ADARB2: variants seen among roughly 807,000 people sequenced by gnomAD.
ADARB2 encodes inactive double-stranded RNA-specific editase B2.
Under a neutral mutation model 62.2 loss-of-function variants are expected in ADARB2, and 25 were observed. That is an observed-to-expected ratio of 0.40 (90% CI 0.29 to 0.56). The LOEUF (loss-of-function observed/expected upper bound fraction) is 0.56. Ranked by LOEUF, ADARB2 falls within the 20% of genes least tolerant of loss-of-function variation. The pLI is 0.43. For synonymous variants in ADARB2, 572 were observed against 500.8 expected (o/e 1.14, Z -1.90); for missense variants, 1,071 against 1,077.4 (o/e 0.99, Z 0.08).
chr10:1,605,734 A>G (rs1309167067), intron 1 of ADARB2, among the ~76,000 whole-genome samples: 1 of 152,216 alleles, frequency 6.6e-6, no homozygotes, highest in Non-Finnish European at 1.5e-5. Flanking sequence ...AAAAGAAATG[A>G]AATTTCTGCT....
chr10:1,185,624 G>C (rs1298262326), intron 8 of ADARB2, among the ~76,000 whole-genome samples: 1 of 152,220 alleles, frequency 6.6e-6, no homozygotes, highest in Non-Finnish European at 1.5e-5. Flanking sequence ...GAAATATGGG[G>C]CCTTTTGTTC....
intron 4 of ADARB2, among the ~76,000 whole-genome samples, chr10:1,264,841 A>C (rs1831179157): frequency 6.6e-6 from 1 of 152,222 alleles, no homozygotes; most frequent in African/African-American, 2.4e-5. Flanking sequence ...GTTGTAAGTC[A>C]GTCCAAGAAA....
chr10:1,450,237 A>G (rs760403615), intron 1 of ADARB2, among the ~76,000 whole-genome samples: 1 of 152,232 alleles, frequency 6.6e-6, no homozygotes, highest in Non-Finnish European at 1.5e-5. Context: ...CCCTCTGAAA[A>G]TGAGGACAAC....
At chr10:1,510,699 G>C (rs573125817) in intron 1 of ADARB2, among the ~76,000 whole-genome samples, 1 of 152,066 alleles carries the variant, frequency 6.6e-6, no homozygotes, top group Non-Finnish European at 1.5e-5. Flanking sequence ...TGTAATTATC[G>C]TAATTACTGT....
intron 1 of ADARB2, among the ~76,000 whole-genome samples, chr10:1,718,449 C>T (rs1235656761): frequency 6.6e-6 from 1 of 152,158 alleles, no homozygotes; most frequent in Admixed American, 6.5e-5. Context: ...ACATGCTAGC[C>T]CCCAGGGCTG....
chr10:1,695,289 G>A (rs1403200801), intron 1 of ADARB2, among the ~76,000 whole-genome samples: 1 of 152,110 alleles, frequency 6.6e-6, no homozygotes, highest in Non-Finnish European at 1.5e-5. Context: ...CGTGTACTTT[G>A]AGAACCCCCT....
At chr10:1,373,839 G>A (rs1181299546) in intron 2 of ADARB2, among the ~76,000 whole-genome samples, 1 of 150,206 alleles carries the variant, frequency 6.7e-6, no homozygotes, top group Non-Finnish European at 1.5e-5. Context: ...ACCCTTCCTA[G>A]TGAAACCGCG....
chr10:1,329,959 TA>T (rs1479241210), intron 3 of ADARB2, among the ~76,000 whole-genome samples: 1 of 134,482 alleles, frequency 7.4e-6, no homozygotes, highest in Non-Finnish European at 1.6e-5. Flanking sequence ...TTTTTTCTCT[TA>T]AACACATTTA....
intron 5 of ADARB2, among the ~76,000 whole-genome samples, chr10:1,239,070 C>T (rs1392953974): frequency 8.1e-4 from 4 of 4,938 alleles, no homozygotes; most frequent in East Asian, 0.026. Context: ...CTCCCCTCTG[C>T]CTCCCGGTGT....
At chr10:1,528,965 C>A (rs1157091351) in intron 1 of ADARB2, among the ~76,000 whole-genome samples, 1 of 152,196 alleles carries the variant, frequency 6.6e-6, no homozygotes, top group East Asian at 1.9e-4. Context: ...TCTTTCCCCA[C>A]AATGTAGCTT....
At chr10:1,581,268 C>T (rs750770002) in intron 1 of ADARB2, among the ~76,000 whole-genome samples, 5 of 152,268 alleles carry the variant, frequency 3.3e-5, no homozygotes, top group African/African-American at 9.6e-5. Flanking sequence ...ACCCATCAGA[C>T]GTTCCGCTCG....
intron 1 of ADARB2, among the ~76,000 whole-genome samples, chr10:1,379,959 A>G (rs1311229792): frequency 6.6e-6 from 1 of 152,276 alleles, no homozygotes; most frequent in South Asian, 2.1e-4. Flanking sequence ...AGATTAAGGA[A>G]TGGTGGGTTT....
intron 1 of ADARB2, among the ~76,000 whole-genome samples, chr10:1,612,472 C>G (rs1205356244): frequency 6.6e-6 from 1 of 152,246 alleles, no homozygotes; most frequent in Non-Finnish European, 1.5e-5. Flanking sequence ...GAGGCTAAGA[C>G]AGGGCTAGCA....
At chr10:1,292,879 C>T (rs1831479435) in intron 3 of ADARB2, 1 of 151,220 alleles carries the variant, frequency 6.6e-6, no homozygotes, top group Non-Finnish European at 1.5e-5. Context: ...ATTCTGGTTT[C>T]TTGTCAGTAA....
intron 1 of ADARB2, among the ~76,000 whole-genome samples, chr10:1,596,312 C>T (rs1383797717): frequency 6.6e-6 from 1 of 152,158 alleles, no homozygotes; most frequent in Non-Finnish European, 1.5e-5. Flanking sequence ...GAAAAACCAA[C>T]AAGTTTATCT....
intron 1 of ADARB2, among the ~76,000 whole-genome samples, chr10:1,454,926 A>G (rs1307469818): frequency 6.6e-6 from 1 of 152,242 alleles, no homozygotes; most frequent in Non-Finnish European, 1.5e-5. Context: ...ATTCTTCATG[A>G]ATTGAGATGG....
chr10:1,604,349 C>T (rs1446277836), intron 1 of ADARB2, among the ~76,000 whole-genome samples: 3 of 152,118 alleles, frequency 2.0e-5, no homozygotes, highest in Non-Finnish European at 4.4e-5. Context: ...GTCGACCCGA[C>T]GTTGACTGTT....
At chr10:1,735,830 T>C (rs1033280548) in intron 1 of ADARB2, among the ~76,000 whole-genome samples, 6 of 152,208 alleles carry the variant, frequency 3.9e-5, no homozygotes, top group African/African-American at 7.2e-5. Context: ...TGTTTGCTAT[T>C]GACATTTATG....
rs558274534 is a variant in ADARB2, at chr10:1,333,005, C to T, written c.1077+30023G>A. Among the ~76,000 whole-genome samples, 51 of 152,290 alleles carry T rather than the reference C, an allele frequency of 3.3e-4. No homozygotes were observed. In the South Asian group the frequency reaches 0.011, roughly 32 times the overall value. On this transcript the variant is annotated intron_variant, in intron 3 of 9. Coordinates refer to ENST00000381312, the MANE Select transcript of ADARB2 (RefSeq NM_018702.4). Reference sequence around the variant, plus strand: ...ATCTGACAACCTTCCTCTGTTAGCCCAGATTTCTGGTCTCCAGCCCTCTCC... The same window carrying T: ...ATCTGACAACCTTCCTCTGTTAGCCTAGATTTCTGGTCTCCAGCCCTCTCC...
Sources: gnomAD v4.1 joint callset for allele counts (sites outside exome capture counted in the v4.1 genomes callset) on GRCh38, gnomAD v4.1.1 for gene constraint, MANE v1.5 for transcripts, NCBI Gene and HGNC (gene_info 2026-07-23, HGNC 2026-07-21) for gene names.